DHPS: variants seen among roughly 807,000 people sequenced by gnomAD.
DHPS encodes the protein migration-inducing gene 13.
DHPS carries 24 observed loss-of-function variants against 38.7 expected under a neutral mutation model. The observed-to-expected ratio is 0.62, with a 90% CI of 0.45 to 0.87. The LOEUF (loss-of-function observed/expected upper bound fraction) is 0.87. DHPS is among the 40% of genes least tolerant of loss of function. DHPS has a pLI of 0.00. For missense variants in DHPS, 510 were observed against 497.6 expected, an observed-to-expected ratio of 1.02 and a Z score of -0.24; for synonymous variants, 250 against 204.4, an observed-to-expected ratio of 1.22 and a Z score of -1.90.
chr19:12,672,499 T>C (rs940834335), downstream of DHPS: 7 of 317,040 alleles, frequency 2.2e-5, no homozygotes, highest in Admixed American at 4.2e-5. Flanking sequence ...TCCCATCTAC[T>C]CGGGAGGCTG....
rs541116164 is a variant in DHPS at position 12,678,737 on chromosome 19, C to G, written c.678+720G>C. On this transcript the variant is annotated intron_variant, in intron 5 of 8. Coordinates refer to ENST00000210060, the MANE Select transcript of DHPS (RefSeq NM_001930.4). ...TGAGCTGAAATCACACCATTACACT[C>G]CAGCCTGGGCGACAGAGCAAGACTC... 2.1e-5 allele frequency among the ~76,000 whole-genome samples: 3 copies of G among 144,268 alleles called. No homozygotes were observed. In the South Asian group the frequency reaches 6.6e-4, roughly 32 times the overall value. 94.6% of individuals were successfully genotyped at this position (144,268 alleles called of 152,430 possible).
At chr19:12,673,333 C>T, downstream of DHPS, 1 of 1,602,984 alleles carries the variant, frequency 6.2e-7, no homozygotes, top group South Asian at 1.1e-5. Context: ...TGCCCCCAGC[C>T]CTACTTCATA....
chr19:12,675,321 G>C (rs1467938921), downstream of DHPS, among the ~76,000 whole-genome samples: 1 of 152,162 alleles, frequency 6.6e-6, no homozygotes, highest in Non-Finnish European at 1.5e-5. Flanking sequence ...CTGAACACCT[G>C]GTAGGACAGA....
At chr19:12,675,581 A>G (rs1599376589), downstream of DHPS, 4 of 1,605,794 alleles carry the variant, frequency 2.5e-6, no homozygotes, top group Non-Finnish European at 3.4e-6. Context: ...CTGGCCTACC[A>G]CCCAACAGAG....
chr19:12,680,051 C>A (rs1297375637), intron 2 of DHPS, 110 bp downstream of exon 2: 2 of 1,554,810 alleles, frequency 1.3e-6, no homozygotes, highest in Non-Finnish European at 1.7e-6. Context: ...AAACTTGATT[C>A]TATTCCTCTG....
chr19:12,677,233 C>A, intron 6 of DHPS, 22 bp from the exon 7 acceptor site: 1 of 1,614,102 alleles, frequency 6.2e-7, no homozygotes, highest in South Asian at 1.1e-5. Context: ...GCGCCGAAGT[C>A]AGGCCTTGGA....
At chr19:12,672,930 G>A (rs1210345184), downstream of DHPS, 4 of 1,598,674 alleles carry the variant, frequency 2.5e-6, no homozygotes, top group Admixed American at 1.7e-5. Flanking sequence ...TGTGGCTGGG[G>A]ATGTGGGACA....
chr19:12,681,292 G>T, intron 1 of DHPS: 1 of 1,276,432 alleles, frequency 7.8e-7, no homozygotes, highest in Non-Finnish European at 1.0e-6. Flanking sequence ...ATTCCAGAAA[G>T]CTTTAAATGT....
In DHPS at chr19:12,681,822, C is replaced by G; in HGVS notation, c.-56G>C. On this transcript the variant is annotated 5_prime_UTR_variant, in exon 1 of 9. Transcript: ENST00000210060. ...GCCCCTAGGCCGGGCTTACGGCGGCCCAGAAACGCGTTAAACCCCGACGCG... is the reference window on the plus strand; with the variant it reads ...GCCCCTAGGCCGGGCTTACGGCGGCGCAGAAACGCGTTAAACCCCGACGCG... The G allele has an allele frequency of 6.6e-7, 1 of 1,522,416 alleles. No individual in the cohort carries two copies. The highest frequency in any genetic ancestry group is 1.1e-5 in the South Asian group (1 of 88,514). The allele number at this position is 1,522,416 out of a possible 1,614,324, so 94.3% of individuals were successfully genotyped here. A position where few individuals can be genotyped will look rare whatever the true frequency, so the allele number is the denominator to read the frequency against.
At chr19:12,678,794 CTA>C (rs1364471485) in intron 5 of DHPS, among the ~76,000 whole-genome samples, 2 of 98,400 alleles carry the variant, frequency 2.0e-5, no homozygotes, top group Admixed American at 1.1e-4. Flanking sequence ...AAAAAAAAGA[CTA>C]TGTAGCTTTT....
intron 7 of DHPS, 55 bp from the exon 8 acceptor site, chr19:12,676,197 ACAGAGGGAG>A: frequency 3.2e-6 from 5 of 1,556,692 alleles, no homozygotes; most frequent in South Asian, 1.2e-5. Context: ...GGAGACAGAC[ACAGAGGGAG>A]GACACCGTAG....
chr19:12,680,219 G>A lies in DHPS; in HGVS notation c.314C>T (p.Ser105Phe). ...ACGGATGCCTGAACTGATGAGGTTG[G>A]ATGTATATCCCAGGAAAATGGTGCA... ...TSCTIFLGYT[S>F]NLISSGIRET... The change falls in exon 2 of 9, where the codon TCC (serine) becomes TTC (phenylalanine). Residue 105 changes from serine to phenylalanine, a missense_variant. Coordinates refer to ENST00000210060, the MANE Select transcript of DHPS (RefSeq NM_001930.4). The A allele has an allele frequency of 1.2e-6, 2 of 1,614,176 alleles. No individual in the cohort carries two copies. The highest frequency in any genetic ancestry group is 2.2e-5 in the East Asian group (1 of 44,878).
At chr19:12,679,434 T>G in intron 5 of DHPS, 23 bp downstream of exon 5, 1 of 1,611,954 alleles carries the variant, frequency 6.2e-7, no homozygotes, top group Non-Finnish European at 8.5e-7. Flanking sequence ...GTCTGGCTAC[T>G]TTGCTCCCGC....
At chr19:12,672,964 CA>C, downstream of DHPS, 5 of 1,597,198 alleles carry the variant, frequency 3.1e-6, no homozygotes, top group Non-Finnish European at 4.3e-6. Flanking sequence ...GGGGGCCAAC[CA>C]GGGGCACCCC....
chr19:12,675,667 G>A, downstream of DHPS: 1 of 1,600,632 alleles, frequency 6.2e-7, no homozygotes, highest in Non-Finnish European at 8.5e-7. Flanking sequence ...GGATGGAGCA[G>A]GCTGAAGCCA....
chr19:12,681,462 CAT>C, intron 1 of DHPS, 96 bp downstream of exon 1: 1 of 1,379,726 alleles, frequency 7.2e-7, no homozygotes, highest in South Asian at 1.3e-5. Context: ...AAATAAAAGA[CAT>C]ATCCCCTCCA....
Position 12,677,415 on chromosome 19 carries a change from G to T in DHPS, c.679-19C>A, listed in dbSNP as rs748969853. On this transcript the variant is annotated intron_variant, in intron 5 of 8. Transcript: ENST00000210060. ...TGTGGTTCTGCAGAGAACATGACAG[G>T]ACAGTGGCTGGAGCTCAGAGCCTCG... 1 of 1,605,872 alleles carries T rather than the reference G, an allele frequency of 6.2e-7. No individual in the cohort carries two copies. Among genetic ancestry groups the T allele is most frequent in the Non-Finnish European group, 8.5e-7 (1 of 1,174,228 alleles).
chr19:12,678,052 A>T (rs952179491), intron 5 of DHPS, among the ~76,000 whole-genome samples: 2 of 151,198 alleles, frequency 1.3e-5, no homozygotes, highest in African/African-American at 4.8e-5. Flanking sequence ...CAGGAGCTCG[A>T]CACCAGCCTG....
chr19:12,674,602 G>C (rs1028476746), downstream of DHPS, among the ~76,000 whole-genome samples: 1 of 152,218 alleles, frequency 6.6e-6, no homozygotes, highest in African/African-American at 2.4e-5. Flanking sequence ...AGGAAGCATG[G>C]CTTGCTTGAG....
Sources: gnomAD v4.1 joint callset for allele counts (sites outside exome capture counted in the v4.1 genomes callset) on GRCh38, gnomAD v4.1.1 for gene constraint, MANE v1.5 for transcripts, NCBI Gene and HGNC (gene_info 2026-07-23, HGNC 2026-07-21) for gene names.